PCLO: variants seen among roughly 807,000 people sequenced by gnomAD.
PCLO encodes piccolo presynaptic cytomatrix protein.
PCLO carries 82 observed loss-of-function variants against 427.5 expected under a neutral mutation model. The ratio of observed to expected loss-of-function variants is 0.19; its 90% CI spans 0.16 to 0.23. PCLO has a LOEUF of 0.23. Among genes scored for constraint, PCLO ranks in the 10% least tolerant of loss-of-function variants. The pLI is 1.00. For synonymous variants in PCLO, 2,357 were observed against 2,155.4 expected (o/e 1.09, Z -2.59); for missense variants, 6,239 against 6,115.9 (o/e 1.02, Z -0.67).
chr7:82,828,117 T>G (rs1791994903), intron 16 of PCLO, among the ~76,000 whole-genome samples, 151 bp from the exon 17 acceptor site: 1 of 152,130 alleles, frequency 6.6e-6, no homozygotes, highest in African/African-American at 2.4e-5. Context: ...AACCTTAGTT[T>G]AAGTTGAATG....
chr7:83,056,982 A>G (rs898734783), intron 3 of PCLO, among the ~76,000 whole-genome samples: 4 of 152,198 alleles, frequency 2.6e-5, no homozygotes, highest in East Asian at 1.9e-4. Context: ...TGTATATTCC[A>G]TCAATTAAAT....
At chr7:82,947,171 G>A (rs1795222525) in intron 6 of PCLO, among the ~76,000 whole-genome samples, 1 of 152,090 alleles carries the variant, frequency 6.6e-6, no homozygotes, top group South Asian at 2.1e-4. Flanking sequence ...CAATCTTCAT[G>A]ACTCAGACCT....
At chr7:83,138,195 C>T (rs1791775797) in intron 2 of PCLO, among the ~76,000 whole-genome samples, 1 of 152,120 alleles carries the variant, frequency 6.6e-6, no homozygotes, top group African/African-American at 2.4e-5. Flanking sequence ...AGATCTGTAT[C>T]CACATTAACT....
At chr7:83,003,893 T>C (rs1206626180) in intron 3 of PCLO, among the ~76,000 whole-genome samples, 1 of 151,680 alleles carries the variant, frequency 6.6e-6, no homozygotes, top group Non-Finnish European at 1.5e-5. Flanking sequence ...TTTTTAACTT[T>C]TTTGGAAGAG....
chr7:83,110,960 C>T (rs762743778), intron 3 of PCLO, among the ~76,000 whole-genome samples: 1 of 152,072 alleles, frequency 6.6e-6, no homozygotes, highest in Non-Finnish European at 1.5e-5. Context: ...ATTACTATCC[C>T]AAATAAAGAA....
At chr7:82,794,461 T>TTTTTTTTTTTG (rs1791180501) in intron 22 of PCLO, among the ~76,000 whole-genome samples, 1 of 23,502 alleles carries the variant, frequency 4.3e-5, no homozygotes, top group Non-Finnish European at 7.8e-5. Flanking sequence ...TTTTTTTTCT[T>TTTTTTTTTTTG]TTTTTTTTTT....
chr7:82,914,418 G>T, intron 7 of PCLO: 1 of 556,016 alleles, frequency 1.8e-6, no homozygotes, highest in South Asian at 2.6e-5. Flanking sequence ...ATTTGATAAT[G>T]GTTTTAGAAA....
In PCLO at chr7:83,134,552, T is replaced by G; in HGVS notation, c.2998A>C (p.Thr1000Pro). 1 of 1,613,944 alleles carries G rather than the reference T, an allele frequency of 6.2e-7. No homozygotes were observed. The highest frequency in any genetic ancestry group is 8.5e-7 in the Non-Finnish European group (1 of 1,179,888). Residue 1000 changes from threonine (T) to proline (P), a missense_variant, in exon 3 of 25, where the codon ACA (threonine) becomes CCA (proline). Physicochemically the swap from Thr to Pro is conservative, Grantham distance 38. Transcript: ENST00000333891. ...PAKSIPVKKE[T>P]KAPAAEKLEP... Reference sequence around the variant, plus strand: ...AATTTTTCAGCTGCTGGGGCTTTTGTTTCCTTTTTCACAGGTATACTTTTT... The same window carrying G: ...AATTTTTCAGCTGCTGGGGCTTTTGGTTCCTTTTTCACAGGTATACTTTTT...
At chr7:82,884,383 G>A (rs1793581856) in intron 9 of PCLO, among the ~76,000 whole-genome samples, 1 of 152,100 alleles carries the variant, frequency 6.6e-6, no homozygotes, top group South Asian at 2.1e-4. Flanking sequence ...CTTTTCAAAT[G>A]ACAGATGATG....
rs2116714652 is a variant in PCLO, at chr7:83,162,526, C to T, written c.67G>A (p.Gly23Arg). Residue 23 changes from glycine to arginine, a missense_variant, in exon 1 of 25, where the codon GGA (glycine) becomes AGA (arginine). Transcript: ENST00000333891. ...CTCCCCGCCCCGCTAGCTCCTCCTCCAGCCGCTGCGGCCGCCGCCAGCCCT... is the reference window on the plus strand; with the variant it reads ...CTCCCCGCCCCGCTAGCTCCTCCTCTAGCCGCTGCGGCCGCCGCCAGCCCT... Reference protein sequence around the residue: ...PEGLAAAAAAGGGASGAGSPS... With the variant: ...PEGLAAAAAARGGASGAGSPS... The T allele has an allele frequency of 3.2e-6, 5 of 1,556,916 alleles. No individual in the cohort carries two copies. The highest frequency in any genetic ancestry group is 4.3e-6 in the Non-Finnish European group (5 of 1,151,434).
rs1331893024 is a variant in PCLO, at chr7:82,898,554, A to C, written c.13528+4097T>G. Among the ~76,000 whole-genome samples, 7 of 151,436 alleles carry C rather than the reference A, an allele frequency of 4.6e-5. No homozygotes were observed. In the East Asian group the frequency reaches 1.4e-3, roughly 29 times the overall value. On this transcript the variant is annotated intron_variant, in intron 9 of 24. Transcript: ENST00000333891. ...ACTATCAATAGGTTTATGTAACCAA[A>C]ATTAAAATTCACTAATGGCCATTTT...
chr7:83,025,467 T>A (rs996774356), intron 3 of PCLO, among the ~76,000 whole-genome samples: 4 of 151,534 alleles, frequency 2.6e-5, no homozygotes, highest in Non-Finnish European at 5.9e-5. Flanking sequence ...AAAGACCAAA[T>A]CTACATCTGA....
At chr7:83,112,861 C>T (rs1439842347) in intron 3 of PCLO, among the ~76,000 whole-genome samples, 1 of 152,104 alleles carries the variant, frequency 6.6e-6, no homozygotes, top group Non-Finnish European at 1.5e-5. Context: ...TACTTTTTAC[C>T]AAACTATAGA....
Position 83,008,478 on chromosome 7 carries a change from T to C in PCLO, c.3301-41991A>G, listed in dbSNP as rs373673033. Among the ~76,000 whole-genome samples the C allele has an allele frequency of 9.9e-5, 15 of 151,890 alleles. No homozygotes were observed. The East Asian group carries it at 2.3e-3, about 24-fold the overall frequency. On this transcript the variant is annotated intron_variant, in intron 3 of 24. Coordinates refer to ENST00000333891, the MANE Select transcript of PCLO (RefSeq NM_033026.6). ...AATCCTATAAGGTGGACATTATCCC[T>C]ATTTTACAAGTAAGTTCATCAAGTT...
intron 9 of PCLO, among the ~76,000 whole-genome samples, chr7:82,886,885 C>T (rs1182500696): frequency 6.6e-6 from 1 of 152,068 alleles, no homozygotes. Flanking sequence ...ATCTAATTTT[C>T]TATTATATAG....
intron 20 of PCLO, among the ~76,000 whole-genome samples, chr7:82,819,459 T>G (rs1791744385): frequency 7.0e-6 from 1 of 143,056 alleles, no homozygotes; most frequent in Admixed American, 7.3e-5. Context: ...TTGATTACTG[T>G]GAAATTTATA....
At chr7:82,857,654 G>T (rs1792843852) in intron 10 of PCLO, among the ~76,000 whole-genome samples, 1 of 152,002 alleles carries the variant, frequency 6.6e-6, no homozygotes, top group Non-Finnish European at 1.5e-5. Flanking sequence ...AGTTTGCATA[G>T]ATTACTGAGG....
At chr7:82,880,280 T>G (rs560077878) in intron 9 of PCLO, 1 of 270,592 alleles carries the variant, frequency 3.7e-6, no homozygotes, top group East Asian at 8.9e-5. Context: ...ATATGGCTCA[T>G]CACTGACCAA....
rs141277890 is a variant in PCLO at position 83,003,926 on chromosome 7, T to C, written c.3301-37439A>G. Among the ~76,000 whole-genome samples the C allele has an allele frequency of 1.2e-3, 177 of 143,926 alleles. 6 individuals are homozygous for C. The East Asian group carries it at 0.03, about 25-fold the overall frequency. 94.4% of individuals were successfully genotyped at this position (143,926 alleles called of 152,430 possible). ...GAGTTTGAGAAGGATTTGTATTAAC[T>C]AAAAAAAAAAAAGTTTGGTAGACTT... On this transcript the variant is annotated intron_variant, in intron 3 of 24. Transcript: ENST00000333891.
Sources: gnomAD v4.1 joint callset for allele counts (sites outside exome capture counted in the v4.1 genomes callset) on GRCh38, gnomAD v4.1.1 for gene constraint, MANE v1.5 for transcripts, NCBI Gene and HGNC (gene_info 2026-07-23, HGNC 2026-07-21) for gene names.